The following ANKRD30BL variants were observed in gnomAD, a reference collection of about 807,000 sequenced individuals.
ANKRD30BL encodes the protein ankyrin repeat domain 30B like, also known as putative ankyrin repeat domain-containing protein 30B-like.
A neutral mutation model predicts 18.4 loss-of-function variants in ANKRD30BL; 20 were observed. The observed-to-expected ratio is 1.09, with a 90% CI of 0.77 to 1.58. The LOEUF (loss-of-function observed/expected upper bound fraction) is 1.58. Among genes scored for constraint, ANKRD30BL ranks in the 40% most tolerant of loss-of-function variants. The pLI, the probability that ANKRD30BL is intolerant of heterozygous loss-of-function variation, is 0.00. For synonymous variants in ANKRD30BL, 72 were observed against 100.9 expected (o/e 0.71, Z 1.72); for missense variants, 224 against 268.6 (o/e 0.83, Z 1.16).
At chr2:132,254,473 A>C (rs1041945991) in intron 1 of ANKRD30BL, among the ~76,000 whole-genome samples, 1 of 152,092 alleles carries the variant, frequency 6.6e-6, no homozygotes, top group African/African-American at 2.4e-5. Flanking sequence ...GGCTGATCCG[A>C]GGGCCTCACT....
chr2:132,185,265 A>G (rs1308076637), intron 1 of ANKRD30BL, among the ~76,000 whole-genome samples: 2 of 152,198 alleles, frequency 1.3e-5, no homozygotes, highest in South Asian at 2.1e-4. Context: ...CTCCGGCTCA[A>G]TCGGCTCCAC....
At chr2:132,234,827 C>T (rs946723299) in intron 1 of ANKRD30BL, among the ~76,000 whole-genome samples, 22 of 152,312 alleles carry the variant, frequency 1.4e-4, no homozygotes, top group Middle Eastern at 3.4e-3. Flanking sequence ...TCCTCCCTAA[C>T]TCATTTTATG....
intron 1 of ANKRD30BL, among the ~76,000 whole-genome samples, chr2:132,235,364 A>G (rs1157341105): frequency 6.6e-6 from 1 of 152,208 alleles, no homozygotes; most frequent in Non-Finnish European, 1.5e-5. Flanking sequence ...AAGGAAATAA[A>G]GAGTATTCAA....
chr2:132,243,231 C>A (rs112327650), intron 1 of ANKRD30BL, among the ~76,000 whole-genome samples: 2,055 of 150,268 alleles, frequency 0.014, 41 homozygotes, highest in African/African-American at 0.047. Flanking sequence ...CCTCACATAA[C>A]AAATAGGCAG....
At chr2:132,204,525 T>G (rs1389220833) in intron 1 of ANKRD30BL, among the ~76,000 whole-genome samples, 2 of 151,086 alleles carry the variant, frequency 1.3e-5, no homozygotes, top group Admixed American at 1.3e-4. Flanking sequence ...TTATTTTCAT[T>G]CTAGATAGAA....
At chr2:132,159,926 TA>T (rs1453454135) in intron 1 of ANKRD30BL, among the ~76,000 whole-genome samples, 1 of 152,164 alleles carries the variant, frequency 6.6e-6, no homozygotes, top group African/African-American at 2.4e-5. Flanking sequence ...CTTTGTGGCA[TA>T]AAAATCTAGT....
chr2:132,204,056 T>C (rs890583977), intron 1 of ANKRD30BL, among the ~76,000 whole-genome samples: 32 of 152,358 alleles, frequency 2.1e-4, no homozygotes, highest in Admixed American at 2.0e-3. Context: ...AGTTATCTGG[T>C]GCTCCAGGAA....
chr2:132,173,148 A>G (rs1216465766), intron 1 of ANKRD30BL, among the ~76,000 whole-genome samples: 1 of 151,572 alleles, frequency 6.6e-6, no homozygotes, highest in Non-Finnish European at 1.5e-5. Context: ...TTTTTTTTCT[A>G]GGAGTTTAAG....
intron 4 of ANKRD30BL, among the ~76,000 whole-genome samples, chr2:132,151,444 C>T (rs911599006): frequency 3.9e-5 from 6 of 151,932 alleles, no homozygotes; most frequent in Admixed American, 3.9e-4. Context: ...AACCTTATTG[C>T]TGAAACAATT....
At position 132,254,153 on chromosome 2, in the gene ANKRD30BL, C is replaced by G. The variant is rs1680752345; in HGVS notation, n.441+3376G>C. On this transcript the variant is annotated intron_variant and non_coding_transcript_variant, in intron 1 of 4. Coordinates refer to the ANKRD30BL transcript ENST00000470729. ...GCCATCCAGCCCGCCCCACGACACG[C>G]ACACACGGTTTCATCCCCACACGCA... Among the ~76,000 whole-genome samples the G allele has an allele frequency of 2.6e-5, 4 of 152,094 alleles. No individual in the cohort carries two copies. In the South Asian group the frequency reaches 8.3e-4, roughly 31 times the overall value.
chr2:132,212,054 A>AG (rs1679371176), intron 1 of ANKRD30BL, among the ~76,000 whole-genome samples: 1 of 151,070 alleles, frequency 6.6e-6, no homozygotes. Context: ...AACGCTTGGC[A>AG]GCCTATGGTG....
chr2:132,231,352 G>C (rs1161943954), intron 1 of ANKRD30BL, among the ~76,000 whole-genome samples: 1 of 152,310 alleles, frequency 6.6e-6, no homozygotes, highest in East Asian at 1.9e-4. Context: ...TGGCCGAATA[G>C]GAACAGCTCT....
At chr2:132,197,722 T>G (rs1678995413) in intron 1 of ANKRD30BL, among the ~76,000 whole-genome samples, 1 of 151,878 alleles carries the variant, frequency 6.6e-6, no homozygotes, top group Admixed American at 6.6e-5. Context: ...ACTTGCAGGA[T>G]AAATGTTAAA....
chr2:132,160,597 C>A (rs1255488045), intron 1 of ANKRD30BL, among the ~76,000 whole-genome samples: 2 of 151,372 alleles, frequency 1.3e-5, no homozygotes, highest in Non-Finnish European at 2.9e-5. Context: ...CACCACCACG[C>A]CCGGCTAATT....
intron 1 of ANKRD30BL, among the ~76,000 whole-genome samples, chr2:132,234,191 G>C (rs1169136069): frequency 1.3e-5 from 2 of 152,114 alleles, no homozygotes; most frequent in African/African-American, 4.8e-5. Context: ...AAAGCAGGGT[G>C]TAGAGGGAAA....
At chr2:132,254,614 A>G (rs932864220) in intron 1 of ANKRD30BL, among the ~76,000 whole-genome samples, 3 of 152,190 alleles carry the variant, frequency 2.0e-5, no homozygotes, top group African/African-American at 4.8e-5. Context: ...ACCATCGCCA[A>G]TGAGGTTCAA....
intron 1 of ANKRD30BL, among the ~76,000 whole-genome samples, chr2:132,248,860 A>G (rs1680573655): frequency 6.6e-6 from 1 of 152,112 alleles, no homozygotes; most frequent in African/African-American, 2.4e-5. Context: ...CTGTTTCCAA[A>G]CTGCTCAATC....
At chr2:132,206,592 T>G (rs1410069821) in intron 1 of ANKRD30BL, among the ~76,000 whole-genome samples, 2 of 152,114 alleles carry the variant, frequency 1.3e-5, no homozygotes, top group Non-Finnish European at 2.9e-5. Flanking sequence ...ACTTAGTGAG[T>G]TCTCTTTGTG....
At chr2:132,226,062 C>A (rs1443060831) in intron 1 of ANKRD30BL, among the ~76,000 whole-genome samples, 1 of 151,936 alleles carries the variant, frequency 6.6e-6, no homozygotes, top group Non-Finnish European at 1.5e-5. Flanking sequence ...GTGATGTCTG[C>A]ATTCAACTCA....
Sources: allele counts gnomAD v4.1 joint callset (sites outside exome capture counted in the v4.1 genomes callset), GRCh38; gene constraint gnomAD v4.1.1; transcripts MANE v1.5; gene names NCBI Gene and HGNC (gene_info 2026-07-23, HGNC 2026-07-21).